Variants in CTH observed in about 807,000 individuals in gnomAD.
CTH encodes cystathionine gamma-lyase.
A neutral mutation model predicts 50.6 loss-of-function variants in CTH; 41 were observed. The observed-to-expected ratio is 0.81, with a 90% confidence interval of 0.63 to 1.05. The LOEUF is 1.05. Ranked by LOEUF, CTH falls within the 50% of genes least tolerant of loss-of-function variation. The pLI, the probability that CTH is intolerant of heterozygous loss-of-function variation, is 0.00. For missense variants in CTH, 470 were observed against 492.6 expected (o/e 0.95, Z 0.43); for synonymous variants, 156 against 168.9 (o/e 0.92, Z 0.59).
chr1:70,421,831 G>T (rs1030288826), intron 4 of CTH, among the ~76,000 whole-genome samples, 156 bp downstream of exon 4: 3 of 152,166 alleles, frequency 2.0e-5, no homozygotes, highest in African/African-American at 7.2e-5. Context: ...CATCTCCGGG[G>T]TGTTATAGCA....
chr1:70,423,510 G>A (rs1684274420), intron 4 of CTH, among the ~76,000 whole-genome samples: 1 of 151,878 alleles, frequency 6.6e-6, no homozygotes, highest in Non-Finnish European at 1.5e-5. Flanking sequence ...GGTCGAAGCT[G>A]CCGTTAGCTG....
At chr1:70,432,374 G>A (rs1313721718) in intron 8 of CTH, 139 bp downstream of exon 8, 12 of 1,024,752 alleles carry the variant, frequency 1.2e-5, no homozygotes, top group Non-Finnish European at 1.7e-5. Context: ...ACTGCCATGT[G>A]TCAGGCTCTG....
chr1:70,430,438 C>A, intron 7 of CTH, 44 bp downstream of exon 7: 1 of 900,850 alleles, frequency 1.1e-6, no homozygotes, highest in African/African-American at 1.6e-5. Flanking sequence ...CTCTCAGTGA[C>A]TACATTTGAT....
intron 10 of CTH, among the ~76,000 whole-genome samples, chr1:70,435,638 T>C (rs1294599413): frequency 1.3e-5 from 2 of 151,912 alleles, no homozygotes; most frequent in African/African-American, 4.8e-5. Flanking sequence ...TCTTTTGTTT[T>C]CTGTTCTCTG....
chr1:70,436,415 C>G (rs1038800866), intron 10 of CTH, among the ~76,000 whole-genome samples: 6 of 152,142 alleles, frequency 3.9e-5, no homozygotes, highest in African/African-American at 1.4e-4. Context: ...TATATATTAC[C>G]TTTATTATAT....
chr1:70,425,076 C>G (rs1684317972), intron 5 of CTH, among the ~76,000 whole-genome samples: 1 of 152,004 alleles, frequency 6.6e-6, no homozygotes, highest in Admixed American at 6.6e-5. Flanking sequence ...TTTCAGTCAC[C>G]TTGAATATTT....
At position 70,438,797 on chromosome 1, in the gene CTH, G is replaced by C. The variant is rs1198738817; in HGVS notation, c.1162G>C (p.Glu388Gln). The C allele has an allele frequency of 4.3e-6, 7 of 1,613,364 alleles. No individual in the cohort carries two copies. The South Asian group carries it at 5.5e-5, about 13-fold the overall frequency. ...VGLEDEEDLL[E>Q]DLDQALKAAH... ...CTTAGAGGATGAGGAAGACCTACTG[G>C]AAGATCTAGATCAAGCTTTGAAGGC... Residue 388 changes from glutamate to glutamine, a missense_variant, in exon 11 of 12, where the codon GAA (glutamate) becomes CAA (glutamine). Transcript: ENST00000370938.
Position 70,418,001 on chromosome 1 carries a change from C to G in CTH, c.315C>G (p.Asp105Glu), listed in dbSNP as rs1684130470. 6.2e-7 allele frequency: 1 copy of G among 1,613,940 alleles called. No individual in the cohort carries two copies. The highest frequency in any genetic ancestry group is 1.3e-5 in the African/African-American group (1 of 74,900). ...TTACCCATCTTTTAAAAGCAGGAGA[C>G]CAAATTATTTGTATGGATGATGTGT... ...VTITHLLKAG[D>E]QIICMDDVYG... Residue 105 changes from aspartate (D) to glutamate (E), a missense_variant, in exon 3 of 12, where the codon GAC (aspartate) becomes GAG (glutamate). By Grantham distance (45) the Asp-to-Glu change is conservative. Transcript: ENST00000370938.
intron 10 of CTH, among the ~76,000 whole-genome samples, chr1:70,437,033 G>A (rs1463203831): frequency 6.6e-6 from 1 of 152,100 alleles, no homozygotes; most frequent in African/African-American, 2.4e-5. Context: ...TGCTACTAGT[G>A]CAGCATTGCA....
chr1:70,417,903 T>G lies in CTH; in HGVS notation c.251-34T>G, dbSNP rs748568235. The G allele has an allele frequency of 2.5e-6, 4 of 1,613,280 alleles. No individual in the cohort carries two copies. The African/African-American group carries it at 4.0e-5, about 16-fold the overall frequency. Reference sequence around the variant, plus strand: ...GTGTGTTGTAACCTATAGGCCTGACTTTTCAGCTTACTCTAACTTGATTTT... The same window carrying G: ...GTGTGTTGTAACCTATAGGCCTGACGTTTCAGCTTACTCTAACTTGATTTT... On this transcript the variant is annotated intron_variant, in intron 2 of 11. Transcript: ENST00000370938.
At chr1:70,436,282 C>G (rs769746909) in intron 10 of CTH, among the ~76,000 whole-genome samples, 5 of 152,012 alleles carry the variant, frequency 3.3e-5, no homozygotes, top group African/African-American at 1.2e-4. Flanking sequence ...AAGCCAAGAT[C>G]GCACCACTGC....
chr1:70,420,330 A>C (rs140659100), intron 3 of CTH, among the ~76,000 whole-genome samples: 1 of 152,118 alleles, frequency 6.6e-6, no homozygotes, highest in Non-Finnish European at 1.5e-5. Flanking sequence ...TTTTCCAGGG[A>C]CAGGGGGATG....
At chr1:70,433,978 T>C (rs1368757546) in intron 9 of CTH, 29 bp downstream of exon 9, 20 of 1,612,582 alleles carry the variant, frequency 1.2e-5, no homozygotes, top group Non-Finnish European at 1.7e-5. Flanking sequence ...TTTAAAATTG[T>C]AGGAGGTAAG....
At chr1:70,436,006 A>C (rs1684589466) in intron 10 of CTH, among the ~76,000 whole-genome samples, 1 of 152,170 alleles carries the variant, frequency 6.6e-6, no homozygotes, top group Non-Finnish European at 1.5e-5. Flanking sequence ...TTAACACATA[A>C]AATGAGATTA....
At chr1:70,418,992 A>G (rs972805731) in intron 3 of CTH, among the ~76,000 whole-genome samples, 26 of 100,588 alleles carry the variant, frequency 2.6e-4, no homozygotes, top group African/African-American at 1.0e-3. Flanking sequence ...ACCCCACAAC[A>G]GTCCCTGGTG....
At chr1:70,416,982 C>T (rs898446597) in intron 2 of CTH, among the ~76,000 whole-genome samples, 10 of 152,076 alleles carry the variant, frequency 6.6e-5, no homozygotes, top group African/African-American at 2.4e-4. Flanking sequence ...TGTGAGCCAC[C>T]ACACTTGGCC....
At chr1:70,435,234 G>A in intron 10 of CTH, 57 bp downstream of exon 10, 1 of 1,470,406 alleles carries the variant, frequency 6.8e-7, no homozygotes. Context: ...TTTAATGATT[G>A]GGAAAGAAAT....
intron 5 of CTH, among the ~76,000 whole-genome samples, chr1:70,426,902 C>T (rs1039801665): frequency 1.3e-5 from 2 of 152,162 alleles, no homozygotes; most frequent in Admixed American, 1.3e-4. Context: ...TAGCCTGGAC[C>T]TGCCCGGGTT....
chr1:70,419,118 T>A (rs1235878084), intron 3 of CTH, among the ~76,000 whole-genome samples: 2 of 151,998 alleles, frequency 1.3e-5, no homozygotes, highest in African/African-American at 4.8e-5. Context: ...AATGATAGTT[T>A]CCAGCTTCAT....
Sources: allele counts gnomAD v4.1 joint callset (sites outside exome capture counted in the v4.1 genomes callset), GRCh38; gene constraint gnomAD v4.1.1; transcripts MANE v1.5; gene names NCBI Gene and HGNC (gene_info 2026-07-23, HGNC 2026-07-21).